The following CMKLR2 variants were observed in gnomAD, a reference collection of about 807,000 sequenced individuals.
CMKLR2 encodes chemerin-like receptor 2.
In CMKLR2, 18 loss-of-function variants were observed where a neutral mutation model predicts 23.0. The ratio of observed to expected loss-of-function variants is 0.78; its 90% CI spans 0.54 to 1.16. The LOEUF (loss-of-function observed/expected upper bound fraction) is 1.16. Among genes scored for constraint, CMKLR2 ranks in the 50% most tolerant of loss-of-function variants. CMKLR2 has a pLI of 0.00. For synonymous variants in CMKLR2, 158 were observed against 158.9 expected, an observed-to-expected ratio of 0.99 and a Z score of 0.05; for missense variants, 401 against 412.7, an observed-to-expected ratio of 0.97 and a Z score of 0.25.
At chr2:206,191,075 T>G (rs1300660280) in intron 1 of CMKLR2, among the ~76,000 whole-genome samples, 1 of 152,232 alleles carries the variant, frequency 6.6e-6, no homozygotes, top group African/African-American at 2.4e-5. Context: ...ATGTATAATG[T>G]AAATATCAGG....
chr2:206,177,124 G>C lies in CMKLR2; in HGVS notation c.124C>G (p.Leu42Val). 2 of 1,614,078 alleles carry C rather than the reference G, an allele frequency of 1.2e-6. No homozygotes were observed. The highest frequency in any genetic ancestry group is 2.2e-5 in the South Asian group (2 of 91,092). ...VQLGVVHWVS[L>V]VLYCLAFVLG... The stretch of plus-strand genomic sequence containing the variant: ...ACAAAAGCCAAACAATATAACACCA[G>C]GGAGACCCAGTGAACAACTCCCAGC... The change falls in exon 2 of 2, where the codon CTG becomes GTG. Residue 42 changes from leucine (L) to valine (V), a missense_variant. Physicochemically the swap from Leu to Val is conservative, Grantham distance 32. Transcript: ENST00000621141.
chr2:206,199,033 A>G (rs1689006299), intron 1 of CMKLR2, among the ~76,000 whole-genome samples: 1 of 152,224 alleles, frequency 6.6e-6, no homozygotes, highest in Admixed American at 6.5e-5. Flanking sequence ...ACATAACTAG[A>G]ATGTAGGGAG....
chr2:206,213,897 A>T (rs573176289), upstream of CMKLR2, among the ~76,000 whole-genome samples: 577 of 152,302 alleles, frequency 3.8e-3, 2 homozygotes, highest in Admixed American at 6.3e-3. Context: ...TCTGTCGCCC[A>T]GGCTGGAGTG....
chr2:206,214,165 A>ACTTTTTTTTTTTTTTT (rs1689670148), upstream of CMKLR2, among the ~76,000 whole-genome samples: 1 of 64,928 alleles, frequency 1.5e-5, no homozygotes, highest in African/African-American at 6.6e-5. Flanking sequence ...TAAAGACTTG[A>ACTTTTTTTTTTTTTTT]TTTTTTTTTT....
chr2:206,203,199 A>T (rs1032963761), intron 1 of CMKLR2, among the ~76,000 whole-genome samples: 1 of 150,368 alleles, frequency 6.7e-6, no homozygotes, highest in Non-Finnish European at 1.5e-5. Context: ...ATGGTGGCGC[A>T]TGCCTGTAAT....
chr2:206,184,013 T>A (rs1688495977), intron 1 of CMKLR2, among the ~76,000 whole-genome samples: 1 of 152,216 alleles, frequency 6.6e-6, no homozygotes. Context: ...GTCTGGAGAC[T>A]AAGTCTGAAA....
chr2:206,215,272 T>G (rs117594257), upstream of CMKLR2, among the ~76,000 whole-genome samples: 56 of 152,346 alleles, frequency 3.7e-4, no homozygotes, highest in East Asian at 9.8e-3. Flanking sequence ...GCTCTGCTAG[T>G]TTCCATTCCT....
chr2:206,192,079 G>A (rs996112176), intron 1 of CMKLR2, among the ~76,000 whole-genome samples: 8 of 150,764 alleles, frequency 5.3e-5, no homozygotes, highest in Admixed American at 2.6e-4. Context: ...TTCTGACCTC[G>A]TGATTTTCCC....
intron 1 of CMKLR2, among the ~76,000 whole-genome samples, chr2:206,180,465 G>A (rs993849241): frequency 2.6e-5 from 4 of 152,078 alleles, no homozygotes; most frequent in African/African-American, 9.7e-5. Flanking sequence ...GACATAGTCT[G>A]CCACTGTCAC....
intron 1 of CMKLR2, among the ~76,000 whole-genome samples, chr2:206,202,616 G>A (rs1689137437): frequency 6.6e-6 from 1 of 151,936 alleles, no homozygotes; most frequent in South Asian, 2.1e-4. Flanking sequence ...GCGCCACCAC[G>A]TTCCGCACTA....
In CMKLR2 at chr2:206,189,080, G is replaced by A. The variant is rs186224544; in HGVS notation, c.-28-11805C>T. Among the ~76,000 whole-genome samples the A allele has an allele frequency of 4.8e-3, 725 of 152,288 alleles. 2 individuals carry two copies. The highest frequency in any genetic ancestry group is 0.014 in the Middle Eastern group (4 of 294). ...GGCGAATGAAGAGAGGTTTAATTTT[G>A]TTCTGTATTGTTGAGTTAGATAGGT... On this transcript the variant is annotated intron_variant, in intron 1 of 1. Coordinates refer to ENST00000621141, the MANE Select transcript of CMKLR2 (RefSeq NM_001389445.1).
At chr2:206,202,675 C>A (rs1689141420) in intron 1 of CMKLR2, among the ~76,000 whole-genome samples, 1 of 152,112 alleles carries the variant, frequency 6.6e-6, no homozygotes, top group African/African-American at 2.4e-5. Flanking sequence ...AGGGCGCCCG[C>A]CTCATTCGGG....
chr2:206,183,461 C>T (rs1386277724), intron 1 of CMKLR2, among the ~76,000 whole-genome samples: 2 of 151,984 alleles, frequency 1.3e-5, no homozygotes, highest in Non-Finnish European at 2.9e-5. Context: ...GGTATGTTTA[C>T]GTGTGTGTGT....
At chr2:206,182,845 C>T (rs1688459016) in intron 1 of CMKLR2, among the ~76,000 whole-genome samples, 1 of 152,084 alleles carries the variant, frequency 6.6e-6, no homozygotes, top group Admixed American at 6.6e-5. Flanking sequence ...GTCTTGAACT[C>T]CTGACCTCGT....
intron 1 of CMKLR2, among the ~76,000 whole-genome samples, chr2:206,191,373 G>A (rs1216679411): frequency 6.6e-6 from 1 of 152,172 alleles, no homozygotes; most frequent in Admixed American, 6.5e-5. Flanking sequence ...TTTAAAAGCA[G>A]TAGAGAATAA....
At chr2:206,191,910 G>A (rs563795721) in intron 1 of CMKLR2, among the ~76,000 whole-genome samples, 42 of 149,174 alleles carry the variant, frequency 2.8e-4, no homozygotes, top group African/African-American at 9.2e-4. Context: ...GCGCGATCTC[G>A]GTTCACTGCA....
rs865775052 is a variant in CMKLR2 at position 206,176,448 on chromosome 2, A to T, written c.800T>A (p.Ile267Asn). The T allele has an allele frequency of 6.2e-7, 1 of 1,614,208 alleles. No homozygotes were observed. The highest frequency in any genetic ancestry group is 1.6e-4 in the Middle Eastern group (1 of 6,062). ...ATTGTGGTGAATGGTGAGCTCCCAA[A>T]TGCTAAACAGGTGATAAGGAGTCCA... ...VCWTPYHLFSIWELTIHHNSY... is the reference protein window; with the variant it reads ...VCWTPYHLFSNWELTIHHNSY... The change falls in exon 2 of 2, where the codon ATT becomes AAT. Residue 267 changes from isoleucine to asparagine, a missense_variant. By Grantham distance (149) the Ile-to-Asn change is moderately radical. Coordinates refer to ENST00000621141, the MANE Select transcript of CMKLR2 (RefSeq NM_001389445.1).
At chr2:206,189,505 C>T (rs1688684767) in intron 1 of CMKLR2, among the ~76,000 whole-genome samples, 1 of 151,904 alleles carries the variant, frequency 6.6e-6, no homozygotes, top group Admixed American at 6.6e-5. Context: ...TGTGGTTGTG[C>T]GTGCCTGTAG....
At position 206,176,002 on chromosome 2, in the gene CMKLR2, C is replaced by A. The variant is rs191661363; in HGVS notation, c.*178G>T. 10 of 463,280 alleles carry A rather than the reference C, an allele frequency of 2.2e-5. No homozygotes were observed. The East Asian group carries it at 2.2e-4, about 10-fold the overall frequency. 28.7% of individuals were successfully genotyped at this position (463,280 alleles called of 1,614,324 possible). A position where few individuals can be genotyped will look rare whatever the true frequency, so the allele number is the denominator to read the frequency against. On this transcript the variant is annotated 3_prime_UTR_variant, in exon 2 of 2. Transcript: ENST00000621141. ...AATTTATTGCCACATCACAAGGAGT[C>A]AAGAGGATCCTTCCTAAGTTTCATA...
Sources: gnomAD v4.1 joint callset for allele counts (sites outside exome capture counted in the v4.1 genomes callset) on GRCh38, gnomAD v4.1.1 for gene constraint, MANE v1.5 for transcripts, NCBI Gene and HGNC (gene_info 2026-07-23, HGNC 2026-07-21) for gene names.